Variants in NLRP7 observed in about 807,000 individuals in gnomAD.
NLRP7 encodes NLR family pyrin domain containing 7.
A neutral mutation model predicts 85.5 loss-of-function variants in NLRP7; 72 were observed. The observed-to-expected ratio is 0.84, with a 90% CI of 0.70 to 1.02. NLRP7 has a LOEUF of 1.02. Ranked by LOEUF, NLRP7 falls within the 50% of genes least tolerant of loss-of-function variation. The probability of loss-of-function intolerance (pLI) is 0.00; values close to 1 mark genes in which losing one functional copy is unlikely to be tolerated. For missense variants in NLRP7, 1,243 were observed against 1,219.5 expected, an observed-to-expected ratio of 1.02 and a Z score of -0.29; for synonymous variants, 550 against 505.2, an observed-to-expected ratio of 1.09 and a Z score of -1.19.
At chr19:54,929,262 A>C (rs1330064717) in intron 9 of NLRP7, among the ~76,000 whole-genome samples, 1 of 151,954 alleles carries the variant, frequency 6.6e-6, no homozygotes, top group Non-Finnish European at 1.5e-5. Flanking sequence ...CCAACTACTC[A>C]GCTCAATCAG....
chr19:54,927,519 G>T lies in NLRP7; in HGVS notation c.2810+2980C>A, dbSNP rs1437683551. 8.1e-6 allele frequency: 11 copies of T among 1,362,422 alleles called. No individual in the cohort carries two copies. The East Asian group carries it at 2.5e-4, about 31-fold the overall frequency. The allele number at this position is 1,362,422 out of a possible 1,614,324, so 84.4% of individuals were successfully genotyped here. ...TGCGGTGAGCCAAGATTGCGCCACT[G>T]CACTCCAGCCTGAATGACAGAGCAC... is the stretch of plus-strand genomic sequence containing the variant. On this transcript the variant is annotated intron_variant, in intron 9 of 9. Transcript: ENST00000340844.
chr19:54,927,563 C>G lies in NLRP7; in HGVS notation c.2810+2936G>C, dbSNP rs199570450. ...AGAGCACGACTCCATCTCAAAAAAACAAAAACAAAAAACAAAACAAAACAA... is the reference window on the plus strand; with the variant it reads ...AGAGCACGACTCCATCTCAAAAAAAGAAAAACAAAAAACAAAACAAAACAA... On this transcript the variant is annotated intron_variant, in intron 9 of 9. Transcript: ENST00000340844. 1.4e-5 allele frequency: 21 copies of G among 1,554,436 alleles called. No individual in the cohort carries two copies. In the East Asian group the frequency reaches 4.3e-4, roughly 32 times the overall value.
chr19:54,948,366 A>G (rs533342271), upstream of NLRP7, among the ~76,000 whole-genome samples: 23 of 152,140 alleles, frequency 1.5e-4, no homozygotes, highest in African/African-American at 5.3e-4. Flanking sequence ...CCTGGGTGAC[A>G]AGAGCAAGAC....
chr19:54,947,575 C>G, upstream of NLRP7: 2 of 1,289,656 alleles, frequency 1.6e-6, no homozygotes, highest in Non-Finnish European at 2.0e-6. Flanking sequence ...ACAGCTTTCC[C>G]GCCCAGGGTG....
intron 6 of NLRP7, among the ~76,000 whole-genome samples, chr19:54,935,042 G>A (rs980390728): frequency 6.6e-6 from 1 of 152,130 alleles, no homozygotes; most frequent in Admixed American, 6.6e-5. Context: ...TATGTCTTTG[G>A]TTTATCTCAT....
rs574777223 is a variant in NLRP7, at chr19:54,962,731, C to T, written c.-77+3309G>A. Among the ~76,000 whole-genome samples the T allele has an allele frequency of 1.2e-4, 18 of 151,530 alleles. No individual in the cohort carries two copies. In the East Asian group the frequency reaches 3.3e-3, roughly 28 times the overall value. The stretch of plus-strand genomic sequence containing the variant: ...TCTCCTGCCTCAGCCTCCCGAGTAG[C>T]TGGGACTACAGGCGCCCGCCACCAC... On this transcript the variant is annotated intron_variant, in intron 1 of 2. Transcript: ENST00000587103.
At chr19:54,939,940 G>A (rs150041734) in exon 4 of NLRP7, 3 of 1,614,010 alleles carry the variant, frequency 1.9e-6, no homozygotes, top group East Asian at 2.2e-5. Flanking sequence ...AGGCTGCCCT[G>A]GGTAACATCT....
At chr19:54,964,701 T>C (rs1302431245) in intron 1 of NLRP7, among the ~76,000 whole-genome samples, 3 of 145,606 alleles carry the variant, frequency 2.1e-5, no homozygotes, top group Non-Finnish European at 3.1e-5. Flanking sequence ...TGGCGCATGC[T>C]TGTAATCTCA....
At chr19:54,953,994 G>A (rs1415877938) in intron 1 of NLRP7, among the ~76,000 whole-genome samples, 12 of 151,238 alleles carry the variant, frequency 7.9e-5, no homozygotes, top group African/African-American at 2.9e-4. Flanking sequence ...GTGACAGAGC[G>A]AGACTCCGTC....
chr19:54,924,349 A>C (rs1482450421), intron 9 of NLRP7, among the ~76,000 whole-genome samples: 1 of 152,230 alleles, frequency 6.6e-6, no homozygotes, highest in East Asian at 1.9e-4. Flanking sequence ...ATGGCCAGGC[A>C]CGGTGTCTCG....
chr19:54,946,945 T>C (rs181514163), intron 1 of NLRP7, among the ~76,000 whole-genome samples: 1 of 151,834 alleles, frequency 6.6e-6, no homozygotes, highest in Non-Finnish European at 1.5e-5. Flanking sequence ...TGGCCTTATA[T>C]TTTTTTGTAA....
chr19:54,941,136 G>A (rs2069201739), intron 2 of NLRP7, 131 bp from the exon 3 acceptor site: 1 of 785,522 alleles, frequency 1.3e-6, no homozygotes, highest in East Asian at 2.5e-5. Context: ...GGCTGAGGTG[G>A]GCGGATCACA....
At chr19:54,937,144 G>A (rs2068966336) in intron 5 of NLRP7, among the ~76,000 whole-genome samples, 1 of 151,628 alleles carries the variant, frequency 6.6e-6, no homozygotes, top group Non-Finnish European at 1.5e-5. Flanking sequence ...CATGAACCCG[G>A]GAGGCAGGGC....
rs61746780 is a variant in NLRP7 at position 54,930,603 on chromosome 19, G to A, written c.2706C>T (p.Ala902=). The A allele has an allele frequency of 5.0e-3, 8,008 of 1,612,214 alleles. 296 individuals carry two copies. In the African/African-American group the frequency reaches 0.083, roughly 17 times the overall value. Residue 902 remains alanine (A), a synonymous_variant, in exon 9 of 10, where the codon GCC becomes GCT. Transcript: ENST00000340844. ...TCAAGTCCAGGTTTGTGAGGCTGCA[G>A]GCTTCTTGGAGCGCCTCTGAGAGAT...
intron 4 of NLRP7, among the ~76,000 whole-genome samples, chr19:54,938,464 C>T (rs1276591234): frequency 2.0e-5 from 3 of 152,152 alleles, no homozygotes; most frequent in African/African-American, 7.2e-5. Flanking sequence ...TGGCTCATGC[C>T]TGTAATCCCA....
exon 4 of NLRP7, chr19:54,939,284 T>A (rs1386228143): frequency 6.2e-7 from 1 of 1,613,990 alleles, no homozygotes. Flanking sequence ...CAGGTCGGGG[T>A]TCTTGAGTCT....
intron 1 of NLRP7, among the ~76,000 whole-genome samples, chr19:54,957,326 A>G (rs1329210802): frequency 3.0e-5 from 4 of 135,532 alleles, no homozygotes; most frequent in African/African-American, 5.6e-5. Context: ...GGACACCCCT[A>G]CTCCTTTCTT....
At chr19:54,947,544 C>T (rs921807825), upstream of NLRP7, 1 of 1,289,698 alleles carries the variant, frequency 7.8e-7, no homozygotes, top group Non-Finnish European at 1.0e-6. Context: ...GTCTCTGGCC[C>T]TTGGTACGCT....
chr19:54,940,081 CTG>C lies in NLRP7; in HGVS notation c.736_737del (p.Gln246GlufsTer10). Reference sequence around the variant, plus strand: ...GGCCATCGACCACGAACAGGATTCTCTGTGCTTGGGCTAGGATGCTTGGAATG... The same window carrying C: ...GGCCATCGACCACGAACAGGATTCTCTGCTTGGGCTAGGATGCTTGGAATG... On this transcript the variant is annotated frameshift_variant, in exon 4 of 10. Transcript: ENST00000340844. LOFTEE classifies it high-confidence loss of function. 1.2e-6 allele frequency: 2 copies of C among 1,614,214 alleles called. No homozygotes were observed. Among genetic ancestry groups the C allele is most frequent in the Non-Finnish European group, 1.7e-6 (2 of 1,180,038 alleles).
Sources: allele counts gnomAD v4.1 joint callset (sites outside exome capture counted in the v4.1 genomes callset), GRCh38; gene constraint gnomAD v4.1.1; transcripts MANE v1.5; gene names NCBI Gene and HGNC (gene_info 2026-07-23, HGNC 2026-07-21).